Variants in GBE1 observed in about 807,000 individuals in gnomAD.
GBE1 encodes the protein 1,4-alpha-glucan branching enzyme 1.
In GBE1, 70 loss-of-function variants were observed where a neutral mutation model predicts 88.8. The observed-to-expected ratio is 0.79, with a 90% CI of 0.65 to 0.96. The LOEUF (loss-of-function observed/expected upper bound fraction) is 0.96. Ranked by LOEUF, GBE1 falls within the 40% of genes least tolerant of loss-of-function variation. GBE1 has a pLI of 0.00. For missense variants in GBE1, 872 were observed against 871.0 expected (o/e 1.00, Z -0.01); for synonymous variants, 284 against 300.1 (o/e 0.95, Z 0.56).
chr3:81,592,420 A>G (rs1434609430), intron 8 of GBE1, among the ~76,000 whole-genome samples: 1 of 151,934 alleles, frequency 6.6e-6, no homozygotes, highest in Non-Finnish European at 1.5e-5. Context: ...TTTTTCATGC[A>G]TGCAAGTAAA....
intron 7 of GBE1, among the ~76,000 whole-genome samples, chr3:81,613,738 G>A (rs115348722): frequency 0.027 from 4,158 of 152,168 alleles, 82 homozygotes; most frequent in Non-Finnish European, 0.038. Flanking sequence ...GATGGCTTGG[G>A]CCCTGCCACT....
intron 12 of GBE1, among the ~76,000 whole-genome samples, chr3:81,562,191 A>C (rs1428564769): frequency 6.6e-6 from 1 of 152,098 alleles, no homozygotes; most frequent in Non-Finnish European, 1.5e-5. Context: ...ATGAAGAAAT[A>C]ACTATCACAA....
chr3:81,636,343 C>T (rs1481619296), intron 7 of GBE1, among the ~76,000 whole-genome samples: 1 of 152,010 alleles, frequency 6.6e-6, no homozygotes, highest in African/African-American at 2.4e-5. Flanking sequence ...ATTAAGAAAA[C>T]AGGAAGACTT....
At chr3:81,603,676 A>T (rs1704062874) in intron 7 of GBE1, among the ~76,000 whole-genome samples, 1 of 151,932 alleles carries the variant, frequency 6.6e-6, no homozygotes, top group African/African-American at 2.4e-5. Context: ...TTGTATTTTT[A>T]GTAGAGATGG....
chr3:81,748,869 T>C (rs533921897), intron 1 of GBE1, among the ~76,000 whole-genome samples: 2 of 151,730 alleles, frequency 1.3e-5, no homozygotes, highest in South Asian at 4.2e-4. Flanking sequence ...TAGCTGGGCA[T>C]GGTGGTGCGC....
chr3:81,693,391 A>G (rs1003973005), intron 2 of GBE1, among the ~76,000 whole-genome samples: 11 of 152,298 alleles, frequency 7.2e-5, no homozygotes, highest in South Asian at 2.1e-4. Context: ...TCTTTATAAA[A>G]TTGTATCTAT....
intron 14 of GBE1, among the ~76,000 whole-genome samples, chr3:81,499,862 A>G (rs559127948): frequency 1.3e-5 from 2 of 152,296 alleles, no homozygotes; most frequent in South Asian, 4.1e-4. Flanking sequence ...TTATGTTCAA[A>G]TTTATTAGGC....
rs145782290 is a variant in GBE1 at position 81,496,792 on chromosome 3, C to T, written c.2052+2318G>A. ...TTGTCTAGATTTTCTGTATTTTACTCGTCTGTGTGGGCTCCCTTAATCTCA... is the reference window on the plus strand; with the variant it reads ...TTGTCTAGATTTTCTGTATTTTACTTGTCTGTGTGGGCTCCCTTAATCTCA... On this transcript the variant is annotated intron_variant, in intron 15 of 15. Transcript: ENST00000429644. Among the ~76,000 whole-genome samples the T allele has an allele frequency of 5.3e-3, 805 of 152,262 alleles. 2 individuals carry two copies. Among genetic ancestry groups the T allele is most frequent in the Non-Finnish European group, 6.1e-3 (417 of 68,024 alleles).
chr3:81,661,901 G>C (rs1166639207), intron 3 of GBE1, among the ~76,000 whole-genome samples: 1 of 152,022 alleles, frequency 6.6e-6, no homozygotes, highest in East Asian at 1.9e-4. Context: ...TTGCAAATCA[G>C]AAATATTTCA....
At chr3:81,631,590 A>AAC (rs1184773777) in intron 7 of GBE1, among the ~76,000 whole-genome samples, 30 of 151,500 alleles carry the variant, frequency 2.0e-4, no homozygotes, top group African/African-American at 6.3e-4. Context: ...AAAAAAAAAA[A>AAC]CAAAAAATTA....
intron 2 of GBE1, among the ~76,000 whole-genome samples, chr3:81,692,396 A>G (rs2107145935): frequency 6.6e-6 from 1 of 152,296 alleles, no homozygotes; most frequent in South Asian, 2.1e-4. Flanking sequence ...CTTTAACTTT[A>G]GAAGAACAAT....
chr3:81,511,994 C>T (rs1702732017), intron 14 of GBE1, among the ~76,000 whole-genome samples: 1 of 151,906 alleles, frequency 6.6e-6, no homozygotes, highest in Non-Finnish European at 1.5e-5. Context: ...TATATGTATG[C>T]CATGGAATGC....
intron 7 of GBE1, chr3:81,613,218 C>T: frequency 4.8e-6 from 1 of 208,102 alleles, no homozygotes; most frequent in Non-Finnish European, 9.3e-6. Flanking sequence ...CACCATGATT[C>T]TCAACTTATT....
At chr3:81,494,697 T>C (rs1702479487) in intron 15 of GBE1, among the ~76,000 whole-genome samples, 1 of 152,196 alleles carries the variant, frequency 6.6e-6, no homozygotes, top group Non-Finnish European at 1.5e-5. Flanking sequence ...AATAGTCTGC[T>C]CTTCACAAAG....
At chr3:81,750,631 GTATATATATATA>G (rs1421769991) in intron 1 of GBE1, among the ~76,000 whole-genome samples, 3 of 26,278 alleles carry the variant, frequency 1.1e-4, no homozygotes, top group Admixed American at 5.2e-4. Flanking sequence ...ATATATATAC[GTATATATATATA>G]TGTATATATA....
At chr3:81,757,905 C>T (rs1287860623) in intron 1 of GBE1, among the ~76,000 whole-genome samples, 1 of 152,074 alleles carries the variant, frequency 6.6e-6, no homozygotes, top group Non-Finnish European at 1.5e-5. Context: ...AATAGAAATA[C>T]ATAAATGATC....
At chr3:81,504,825 A>G (rs1030403317) in intron 14 of GBE1, among the ~76,000 whole-genome samples, 4 of 152,176 alleles carry the variant, frequency 2.6e-5, no homozygotes, top group Admixed American at 6.5e-5. Context: ...GTGTCTGTTC[A>G]AAGTATAAGG....
chr3:81,639,341 AT>A lies in GBE1; in HGVS notation c.992+3439del, dbSNP rs58786681. On this transcript the variant is annotated intron_variant, in intron 7 of 15. Transcript: ENST00000429644. ...GGCATTATTTTATAATGAAAGGTGT[AT>A]TTTTTTTTAAAAAAAATGGCTATTT... Among the ~76,000 whole-genome samples, 364 of 140,720 alleles carry A rather than the reference AT, an allele frequency of 2.6e-3. 2 individuals are homozygous for A. Among genetic ancestry groups the A allele is most frequent in the Non-Finnish European group, 4.0e-3 (257 of 64,546 alleles). 92.3% of individuals were successfully genotyped at this position (140,720 alleles called of 152,430 possible).
chr3:81,554,168 C>A (rs983690667), intron 12 of GBE1, among the ~76,000 whole-genome samples: 1 of 151,910 alleles, frequency 6.6e-6, no homozygotes, highest in African/African-American at 2.4e-5. Context: ...AAATTAGCCA[C>A]ACAAAGGAAA....
Sources: gnomAD v4.1 joint callset for allele counts (sites outside exome capture counted in the v4.1 genomes callset) on GRCh38, gnomAD v4.1.1 for gene constraint, MANE v1.5 for transcripts, NCBI Gene and HGNC (gene_info 2026-07-23, HGNC 2026-07-21) for gene names.